Variants in COL5A2 observed in about 807,000 individuals in gnomAD.
COL5A2 encodes the protein collagen type V alpha 2 chain, also known as collagen alpha-2(V) chain.
Under a neutral mutation model 208.2 loss-of-function variants are expected in COL5A2, and 23 were observed. The observed-to-expected ratio is 0.11, with a 90% CI of 0.08 to 0.16. The LOEUF is 0.16. Ranked by LOEUF, COL5A2 falls within the 10% of genes least tolerant of loss-of-function variation. The probability of loss-of-function intolerance (pLI) is 1.00; values close to 1 mark genes in which losing one functional copy is unlikely to be tolerated. For synonymous variants in COL5A2, 625 were observed against 628.5 expected (o/e 0.99, Z 0.08); for missense variants, 1,590 against 1,956.4 (o/e 0.81, Z 3.53).
At chr2:189,347,402 TG>T in the COL5A2 span, among the ~76,000 whole-genome samples, 1 of 151,994 alleles carries the variant, frequency 6.6e-6, no homozygotes, top group Non-Finnish European at 1.5e-5. Context: ...ATGGACTTCA[TG>T]GAAAAGATTT....
intron 6 of COL5A2, among the ~76,000 whole-genome samples, chr2:189,096,689 A>C (rs1237710757): frequency 6.6e-6 from 1 of 151,976 alleles, no homozygotes; most frequent in Non-Finnish European, 1.5e-5. Context: ...TATTCTGTGC[A>C]GATAGGTAAT....
intron 53 of COL5A2, among the ~76,000 whole-genome samples, chr2:189,034,454 T>C (rs1685401377): frequency 2.0e-5 from 3 of 152,216 alleles, no homozygotes; most frequent in Non-Finnish European, 4.4e-5. Flanking sequence ...ACTAGCAACA[T>C]AAATTATGAA....
the COL5A2 span, among the ~76,000 whole-genome samples, chr2:189,371,490 T>C: frequency 6.6e-6 from 1 of 152,178 alleles, no homozygotes; most frequent in Admixed American, 6.5e-5. Flanking sequence ...GATAGAAATA[T>C]AGACAGTGGA....
intron 1 of COL5A2, among the ~76,000 whole-genome samples, chr2:189,143,591 T>C (rs1687977296): frequency 6.6e-6 from 1 of 152,160 alleles, no homozygotes; most frequent in African/African-American, 2.4e-5. Flanking sequence ...TAAATATCCA[T>C]TGTGTCCATT....
the COL5A2 span, among the ~76,000 whole-genome samples, chr2:189,348,463 C>T: frequency 1.6e-4 from 25 of 152,158 alleles, no homozygotes; most frequent in African/African-American, 4.8e-4. Context: ...GGCTAGTACA[C>T]GTTCTAGTTA....
the COL5A2 span, among the ~76,000 whole-genome samples, chr2:189,429,676 AT>A: frequency 1.3e-5 from 2 of 152,214 alleles, no homozygotes; most frequent in African/African-American, 4.8e-5. Flanking sequence ...AGCCCAAATT[AT>A]AGCACTCTCA....
At chr2:189,414,042 T>A in the COL5A2 span, among the ~76,000 whole-genome samples, 1 of 152,054 alleles carries the variant, frequency 6.6e-6, no homozygotes, top group Non-Finnish European at 1.5e-5. Context: ...TCCGGCCACC[T>A]CCACCACCCA....
chr2:189,339,740 CAGTT>C, the COL5A2 span, among the ~76,000 whole-genome samples: 1 of 152,142 alleles, frequency 6.6e-6, no homozygotes, highest in Non-Finnish European at 1.5e-5. Flanking sequence ...AGCAGGTGGT[CAGTT>C]AGGCAATCAC....
chr2:189,128,918 C>G (rs1559117061), intron 1 of COL5A2, among the ~76,000 whole-genome samples: 1 of 151,918 alleles, frequency 6.6e-6, no homozygotes, highest in East Asian at 1.9e-4. Context: ...AAATCTCTCT[C>G]AATAATCATC....
At chr2:189,098,382 T>C (rs1686965608) in intron 5 of COL5A2, among the ~76,000 whole-genome samples, 1 of 152,256 alleles carries the variant, frequency 6.6e-6, no homozygotes, top group Non-Finnish European at 1.5e-5. Flanking sequence ...CAGATAAAAC[T>C]AGCCTACCAT....
the COL5A2 span, among the ~76,000 whole-genome samples, chr2:189,371,050 G>T: frequency 0.036 from 5,527 of 152,054 alleles, 113 homozygotes; most frequent in Admixed American, 0.05. Flanking sequence ...GTTCTCCCTC[G>T]AATAGTTCCT....
At chr2:189,356,051 G>C in the COL5A2 span, among the ~76,000 whole-genome samples, 1 of 152,264 alleles carries the variant, frequency 6.6e-6, no homozygotes, top group East Asian at 1.9e-4. Flanking sequence ...AGTTTGGCTG[G>C]ATATGAAATC....
At chr2:189,357,008 G>A in the COL5A2 span, among the ~76,000 whole-genome samples, 1 of 152,154 alleles carries the variant, frequency 6.6e-6, no homozygotes, top group South Asian at 2.1e-4. Flanking sequence ...CAGGTCTGCT[G>A]GAGTGTGCTG....
the COL5A2 span, among the ~76,000 whole-genome samples, chr2:189,249,895 G>T: frequency 2.0e-5 from 3 of 152,062 alleles, no homozygotes; most frequent in Non-Finnish European, 4.4e-5. Context: ...ATGGGTTTTC[G>T]CCATGTTGGG....
At chr2:189,052,638 G>C (rs1685815267) in intron 40 of COL5A2, 111 bp downstream of exon 40, 1 of 1,041,176 alleles carries the variant, frequency 9.6e-7, no homozygotes, top group Non-Finnish European at 1.5e-6. Flanking sequence ...GTTGATACAG[G>C]TAATAATTTG....
the COL5A2 span, among the ~76,000 whole-genome samples, chr2:189,277,981 GT>G: frequency 6.6e-6 from 1 of 151,978 alleles, no homozygotes; most frequent in Non-Finnish European, 1.5e-5. Context: ...AGTATAAAAG[GT>G]TTTTTTCTAG....
the COL5A2 span, among the ~76,000 whole-genome samples, chr2:189,386,304 A>C: frequency 1.2e-4 from 18 of 152,130 alleles, no homozygotes; most frequent in Non-Finnish European, 2.2e-4. Flanking sequence ...ACCCCTGCCT[A>C]TCACCATATA....
At chr2:189,286,161 G>T in the COL5A2 span, among the ~76,000 whole-genome samples, 1 of 151,674 alleles carries the variant, frequency 6.6e-6, no homozygotes, top group Admixed American at 6.6e-5. Context: ...TGCACAGTTT[G>T]GCATCACATT....
At chr2:189,326,517 C>A in the COL5A2 span, among the ~76,000 whole-genome samples, 3 of 151,616 alleles carry the variant, frequency 2.0e-5, no homozygotes, top group East Asian at 5.9e-4. Flanking sequence ...ATAGTGAGAC[C>A]TTGTCTCTAC....
Sources: gnomAD v4.1 joint callset for allele counts (sites outside exome capture counted in the v4.1 genomes callset) on GRCh38, gnomAD v4.1.1 for gene constraint, MANE v1.5 for transcripts, NCBI Gene and HGNC (gene_info 2026-07-23, HGNC 2026-07-21) for gene names.